The following AOPEP variants were observed in gnomAD, a reference collection of about 807,000 sequenced individuals.
AOPEP encodes aminopeptidase O (putative).
In AOPEP, 77 loss-of-function variants were observed where a neutral mutation model predicts 98.1. The observed-to-expected ratio is 0.78, with a 90% CI of 0.65 to 0.95. The LOEUF (loss-of-function observed/expected upper bound fraction) is 0.95. AOPEP is among the 40% of genes least tolerant of loss of function. The pLI, the probability that AOPEP is intolerant of heterozygous loss-of-function variation, is 0.00. For synonymous variants in AOPEP, 346 were observed against 365.3 expected, an observed-to-expected ratio of 0.95 and a Z score of 0.60; for missense variants, 1,024 against 1,024.7, an observed-to-expected ratio of 1.00 and a Z score of 0.01.
intron 3 of AOPEP, among the ~76,000 whole-genome samples, chr9:94,783,244 T>C (rs1451441591): frequency 6.6e-6 from 1 of 152,200 alleles, no homozygotes; most frequent in African/African-American, 2.4e-5. Flanking sequence ...CTCTTTTACC[T>C]AGTTCACAAG....
Position 94,761,192 on chromosome 9 carries a change from A to G in AOPEP, c.797+612A>G, listed in dbSNP as rs867275206. ...CTGCACACTGGCTTCTTTGGCTGTG[A>G]TTCTTGGTATTTGGTACCAGAAAGA... On this transcript the variant is annotated intron_variant, in intron 2 of 16. Transcript: ENST00000375315. Among the ~76,000 whole-genome samples, 3 of 152,308 alleles carry G rather than the reference A, an allele frequency of 2.0e-5. No homozygotes were observed. The South Asian group carries it at 6.2e-4, about 32-fold the overall frequency.
chr9:95,029,487 C>T (rs1165009065), intron 13 of AOPEP, among the ~76,000 whole-genome samples: 3 of 152,096 alleles, frequency 2.0e-5, no homozygotes, highest in Admixed American at 6.6e-5. Context: ...TTGTGTGCTG[C>T]GTGTCACCCT....
chr9:94,750,106 A>C (rs1034650013), intron 1 of AOPEP, among the ~76,000 whole-genome samples: 2 of 152,230 alleles, frequency 1.3e-5, no homozygotes, highest in African/African-American at 4.8e-5. Flanking sequence ...ATTTTGCCTG[A>C]AGGAGGCTGT....
chr9:95,061,533 G>A (rs1380705920), intron 14 of AOPEP, among the ~76,000 whole-genome samples: 2 of 152,208 alleles, frequency 1.3e-5, no homozygotes, highest in Admixed American at 1.3e-4. Flanking sequence ...ACACTTAAAT[G>A]CAGCTATTTT....
At chr9:95,150,072 T>C in the AOPEP span, 1 of 1,614,088 alleles carries the variant, frequency 6.2e-7, no homozygotes, top group Non-Finnish European at 8.5e-7. Flanking sequence ...GGGACGCCAC[T>C]CGCTCGGGAG....
intron 7 of AOPEP, chr9:94,932,904 T>C (rs1217833200): frequency 2.0e-6 from 2 of 985,372 alleles, no homozygotes; most frequent in East Asian, 1.1e-4. Context: ...TCAGCCTTCA[T>C]TGGCTGGAGA....
intron 15 of AOPEP, 65 bp downstream of exon 15, chr9:95,080,845 C>A (rs1272604364): frequency 2.9e-6 from 3 of 1,046,920 alleles, no homozygotes; most frequent in Admixed American, 1.7e-5. Flanking sequence ...ACACAGGAAT[C>A]CACGTTCTCA....
intron 7 of AOPEP, among the ~76,000 whole-genome samples, chr9:94,954,924 T>C (rs888712714): frequency 1.3e-5 from 2 of 152,194 alleles, no homozygotes; most frequent in African/African-American, 4.8e-5. Context: ...TTAGAACCCT[T>C]GAGGGTCTGG....
At chr9:95,004,234 G>C (rs545540999) in intron 11 of AOPEP, 2 of 456,610 alleles carry the variant, frequency 4.4e-6, no homozygotes, top group South Asian at 3.1e-5. Context: ...ATGCGGATGA[G>C]AAGGCCTTTG....
the AOPEP span, among the ~76,000 whole-genome samples, chr9:95,121,110 A>G: frequency 6.6e-6 from 1 of 152,206 alleles, no homozygotes; most frequent in South Asian, 2.1e-4. Context: ...ATTTTTAAAA[A>G]TACTTTGCCT....
intron 13 of AOPEP, chr9:95,006,225 CGTT>C (rs758070190): frequency 1.4e-5 from 5 of 351,900 alleles, no homozygotes; most frequent in Non-Finnish European, 1.8e-5. Context: ...GTAAGTAGCC[CGTT>C]GTTTTCTAAG....
intron 5 of AOPEP, among the ~76,000 whole-genome samples, chr9:94,833,065 A>G (rs1471045496): frequency 6.6e-6 from 1 of 151,418 alleles, no homozygotes; most frequent in African/African-American, 2.4e-5. Context: ...CCTCCTGAGC[A>G]GCTGGGATTA....
At chr9:94,877,737 C>T (rs1260991444) in intron 5 of AOPEP, among the ~76,000 whole-genome samples, 2 of 152,150 alleles carry the variant, frequency 1.3e-5, no homozygotes, top group African/African-American at 4.8e-5. Context: ...TGGATTTAAT[C>T]TGGTAACATT....
At chr9:95,034,681 C>T (rs1037784962) in intron 13 of AOPEP, among the ~76,000 whole-genome samples, 5 of 152,152 alleles carry the variant, frequency 3.3e-5, no homozygotes, top group African/African-American at 1.2e-4. Context: ...GATGTAAATA[C>T]CCTTGTGTTT....
At chr9:95,093,721 GCA>G in the AOPEP span, among the ~76,000 whole-genome samples, 1 of 152,140 alleles carries the variant, frequency 6.6e-6, no homozygotes, top group African/African-American at 2.4e-5. Flanking sequence ...ACGGAGGGTG[GCA>G]CAGTGTTCAC....
At chr9:95,004,853 C>T (rs1303207328) in intron 11 of AOPEP, 2 of 147,468 alleles carry the variant, frequency 1.4e-5, no homozygotes, top group Admixed American at 6.8e-5. Flanking sequence ...AATACAATGC[C>T]GGCGCGGGCG....
At chr9:94,829,016 G>C (rs938717860) in intron 5 of AOPEP, among the ~76,000 whole-genome samples, 1 of 151,582 alleles carries the variant, frequency 6.6e-6, no homozygotes, top group Non-Finnish European at 1.5e-5. Context: ...TTACAGGCGC[G>C]GGGCACCACA....
intron 2 of AOPEP, among the ~76,000 whole-genome samples, chr9:94,761,055 A>G (rs1164160109): frequency 6.6e-6 from 1 of 152,080 alleles, no homozygotes; most frequent in Non-Finnish European, 1.5e-5. Context: ...TCCTTACCGT[A>G]CTTGTCTATT....
At chr9:95,134,031 G>A in the AOPEP span, among the ~76,000 whole-genome samples, 2 of 152,074 alleles carry the variant, frequency 1.3e-5, no homozygotes, top group Admixed American at 6.6e-5. Context: ...TAATATACAC[G>A]TCTTCCTTTC....
Sources: allele counts gnomAD v4.1 joint callset (sites outside exome capture counted in the v4.1 genomes callset), GRCh38; gene constraint gnomAD v4.1.1; transcripts MANE v1.5; gene names NCBI Gene and HGNC (gene_info 2026-07-23, HGNC 2026-07-21).